Variants in PPP3CC observed in about 807,000 individuals in gnomAD.
PPP3CC encodes serine/threonine-protein phosphatase 2B catalytic subunit gamma isoform.
Under a neutral mutation model 60.3 loss-of-function variants are expected in PPP3CC, and 35 were observed. The ratio of observed to expected loss-of-function variants is 0.58; its 90% CI spans 0.44 to 0.77. The LOEUF (loss-of-function observed/expected upper bound fraction) is 0.77. PPP3CC is among the 30% of genes least tolerant of loss of function. The pLI, the probability that PPP3CC is intolerant of heterozygous loss-of-function variation, is 0.00. For missense variants in PPP3CC, 570 were observed against 628.9 expected (o/e 0.91, Z 1.00); for synonymous variants, 206 against 224.3 (o/e 0.92, Z 0.73).
chr8:22,531,511 G>A (rs768903544), intron 10 of PPP3CC, among the ~76,000 whole-genome samples: 3 of 152,214 alleles, frequency 2.0e-5, no homozygotes, highest in Non-Finnish European at 2.9e-5. Context: ...AGGGTTGGAT[G>A]TGAGGAAGGA....
chr8:22,489,307 T>C (rs1000209146), intron 3 of PPP3CC, among the ~76,000 whole-genome samples: 1 of 151,996 alleles, frequency 6.6e-6, no homozygotes, highest in Non-Finnish European at 1.5e-5. Flanking sequence ...TCATGGCACA[T>C]TTCTCATCAG....
chr8:22,521,836 A>G (rs1010698888), intron 6 of PPP3CC, among the ~76,000 whole-genome samples: 1 of 152,066 alleles, frequency 6.6e-6, no homozygotes. Flanking sequence ...AGAATATTGT[A>G]TCTTTTTTTA....
At chr8:22,507,969 C>G (rs1290269770) in intron 4 of PPP3CC, among the ~76,000 whole-genome samples, 3 of 152,034 alleles carry the variant, frequency 2.0e-5, no homozygotes, top group African/African-American at 7.2e-5. Flanking sequence ...TAATATAGGC[C>G]AGGTACAAGT....
rs71206523 is a variant in PPP3CC at position 22,496,485 on chromosome 8, C to CTTTTTTTTT, written c.373-1494_373-1486dup. Reference sequence around the variant, plus strand: ...AAGTTAAATTAGGGAGAACTGTAATCTTTTTTTTTTTTTTTTTTTTTTTTT... The same window carrying CTTTTTTTTT: ...AAGTTAAATTAGGGAGAACTGTAATCTTTTTTTTTTTTTTTTTTTTTTTTTTTTTTTTTT... On this transcript the variant is annotated intron_variant, in intron 3 of 13. Transcript: ENST00000240139. Among the ~76,000 whole-genome samples, 50 of 43,580 alleles carry CTTTTTTTTT rather than the reference C, an allele frequency of 1.1e-3. 16 individuals are homozygous for CTTTTTTTTT. Among genetic ancestry groups the CTTTTTTTTT allele is most frequent in the African/African-American group, 3.9e-3 (43 of 10,888 alleles). 28.6% of individuals were successfully genotyped at this position (43,580 alleles called of 152,430 possible).
At chr8:22,531,158 C>G (rs574184728) in intron 10 of PPP3CC, 57 of 743,632 alleles carry the variant, frequency 7.7e-5, no homozygotes, top group Non-Finnish European at 1.2e-4. Context: ...AAGGATATCT[C>G]TTATGAGCTG....
At chr8:22,443,035 T>C (rs1287561636) in intron 1 of PPP3CC, among the ~76,000 whole-genome samples, 1 of 152,056 alleles carries the variant, frequency 6.6e-6, no homozygotes, top group Non-Finnish European at 1.5e-5. Context: ...GAACTGTGGG[T>C]CAAGTCAGAA....
chr8:22,511,102 G>A lies in PPP3CC; in HGVS notation c.501G>A (p.Ser167=), dbSNP rs200245547. 1.9e-5 allele frequency: 31 copies of A among 1,613,450 alleles called. No individual in the cohort carries two copies. The highest frequency in any genetic ancestry group is 1.6e-4 in the Middle Eastern group (1 of 6,062). ...TTTTGTTAGGTCGAATCAAATATTCGGAACAGGTGTATGATGCCTGTATGG... is the reference window on the plus strand; with the variant it reads ...TTTTGTTAGGTCGAATCAAATATTCAGAACAGGTGTATGATGCCTGTATGG... The part of the protein sequence containing the change: ...TFKQECRIKY[S]EQVYDACMET... Residue 167 remains serine, a synonymous_variant, in exon 5 of 14, where the codon TCG becomes TCA. Transcript: ENST00000240139.
At chr8:22,515,251 A>G (rs993702238) in intron 6 of PPP3CC, among the ~76,000 whole-genome samples, 1 of 152,176 alleles carries the variant, frequency 6.6e-6, no homozygotes, top group Non-Finnish European at 1.5e-5. Flanking sequence ...GGCTTATTTC[A>G]GTTAACATAA....
Position 22,531,798 on chromosome 8 carries a change from C to A in PPP3CC, c.1142-427C>A, listed in dbSNP as rs150304048. 1.8e-4 allele frequency among the ~76,000 whole-genome samples: 27 copies of A among 152,342 alleles called. No individual in the cohort carries two copies. The East Asian group carries it at 4.2e-3, about 24-fold the overall frequency. ...TGTTGTGTTTACATACAGAAGACAG[C>A]TGCTGGAATGATCACTTGCCATTTG... is the stretch of plus-strand genomic sequence containing the variant. On this transcript the variant is annotated intron_variant, in intron 10 of 13. Transcript: ENST00000240139.
intron 3 of PPP3CC, among the ~76,000 whole-genome samples, chr8:22,485,180 T>C (rs538524421): frequency 2.1e-4 from 32 of 152,222 alleles, no homozygotes; most frequent in Admixed American, 3.9e-4. Context: ...GTGGGTGCTC[T>C]GGTTTAATCC....
intron 4 of PPP3CC, among the ~76,000 whole-genome samples, chr8:22,507,112 C>T (rs1838949238): frequency 6.6e-6 from 1 of 151,842 alleles, no homozygotes; most frequent in Admixed American, 6.6e-5. Flanking sequence ...GAATGAGACC[C>T]TGTCTCAAAC....
At chr8:22,526,396 C>G (rs1839563081) in intron 8 of PPP3CC, among the ~76,000 whole-genome samples, 1 of 152,096 alleles carries the variant, frequency 6.6e-6, no homozygotes, top group African/African-American at 2.4e-5. Context: ...TTTACCTAAA[C>G]TAAATAAAAT....
At chr8:22,520,980 T>G (rs774328811) in intron 6 of PPP3CC, among the ~76,000 whole-genome samples, 4 of 152,102 alleles carry the variant, frequency 2.6e-5, no homozygotes, top group Non-Finnish European at 4.4e-5. Context: ...AGTCCCTGGG[T>G]TGATGGGATT....
intron 3 of PPP3CC, among the ~76,000 whole-genome samples, chr8:22,491,041 G>C (rs781531542): frequency 6.6e-6 from 1 of 152,122 alleles, no homozygotes; most frequent in African/African-American, 2.4e-5. Flanking sequence ...CTGCTGTATA[G>C]AATTTCACAG....
At chr8:22,515,329 T>C (rs1314554460) in intron 6 of PPP3CC, among the ~76,000 whole-genome samples, 1 of 152,252 alleles carries the variant, frequency 6.6e-6, no homozygotes, top group Non-Finnish European at 1.5e-5. Context: ...CTGAATAATA[T>C]TCCACTGTGT....
chr8:22,508,405 T>C (rs1838988616), intron 4 of PPP3CC, among the ~76,000 whole-genome samples: 1 of 152,234 alleles, frequency 6.6e-6, no homozygotes, highest in Non-Finnish European at 1.5e-5. Context: ...GGTAATTATA[T>C]ATGCAATTCA....
intron 1 of PPP3CC, among the ~76,000 whole-genome samples, chr8:22,449,411 C>T (rs942302740): frequency 7.6e-6 from 1 of 130,768 alleles, no homozygotes; most frequent in Non-Finnish European, 1.5e-5. Context: ...GCCAAGATAG[C>T]GCCACACTCC....
At chr8:22,522,925 C>A (rs1365012466) in intron 8 of PPP3CC, 176 bp downstream of exon 8, 8 of 531,642 alleles carry the variant, frequency 1.5e-5, no homozygotes, top group South Asian at 5.5e-5. Flanking sequence ...GCTGCTTGGT[C>A]TTTATCTCCT....
At chr8:22,456,745 ACAC>A (rs1837206575) in intron 1 of PPP3CC, among the ~76,000 whole-genome samples, 1 of 152,204 alleles carries the variant, frequency 6.6e-6, no homozygotes, top group Admixed American at 6.5e-5. Flanking sequence ...CTGTATAGCT[ACAC>A]CAGTCCCCCT....
Sources: gnomAD v4.1 joint callset for allele counts (sites outside exome capture counted in the v4.1 genomes callset) on GRCh38, gnomAD v4.1.1 for gene constraint, MANE v1.5 for transcripts, NCBI Gene and HGNC (gene_info 2026-07-23, HGNC 2026-07-21) for gene names.